Variants in GLIS3 observed in about 807,000 individuals in gnomAD.
GLIS3 encodes zinc finger protein GLIS3.
In GLIS3, 53 loss-of-function variants were observed where a neutral mutation model predicts 78.6. That is an observed-to-expected ratio of 0.67 (90% CI 0.54 to 0.85). The LOEUF is 0.85. Ranked by LOEUF, GLIS3 falls within the 40% of genes least tolerant of loss-of-function variation. The pLI, the probability that GLIS3 is intolerant of heterozygous loss-of-function variation, is 0.00. For missense variants in GLIS3, 1,703 were observed against 1,231.1 expected (o/e 1.38, Z -5.74); for synonymous variants, 684 against 509.9 (o/e 1.34, Z -4.60).
chr9:4,266,219 G>A lies in GLIS3; in HGVS notation c.388+19819C>T, dbSNP rs149043470. Among the ~76,000 whole-genome samples the A allele has an allele frequency of 2.0e-3, 301 of 151,804 alleles. 2 individuals carry two copies. The highest frequency in any genetic ancestry group is 6.8e-3 in the African/African-American group (281 of 41,442). ...AGGTGTGAGCCACCGCGCCTGGCCC[G>A]CACTCACCCTGCTTCTTAACTTTTT... is the stretch of plus-strand genomic sequence containing the variant. On this transcript the variant is annotated intron_variant, in intron 2 of 10. Transcript: ENST00000381971.
intron 2 of GLIS3, among the ~76,000 whole-genome samples, chr9:4,321,392 A>C (rs1245755250): frequency 9.3e-6 from 1 of 107,084 alleles, no homozygotes; most frequent in Non-Finnish European, 1.6e-5. Flanking sequence ...ACTGCACTCC[A>C]GCCTGGGCCA....
At chr9:4,325,295 G>A (rs561661158) in intron 2 of GLIS3, among the ~76,000 whole-genome samples, 1 of 152,310 alleles carries the variant, frequency 6.6e-6, no homozygotes, top group Admixed American at 6.5e-5. Context: ...TGAGTGACAA[G>A]TTCCCCTTGA....
chr9:4,439,835 C>T, the GLIS3 span, among the ~76,000 whole-genome samples: 4 of 152,286 alleles, frequency 2.6e-5, no homozygotes, highest in Non-Finnish European at 5.9e-5. Context: ...CACCCTACCA[C>T]ACCAGGCTAA....
intron 6 of GLIS3, among the ~76,000 whole-genome samples, chr9:3,915,702 C>A (rs971365963): frequency 3.9e-5 from 6 of 152,154 alleles, no homozygotes; most frequent in African/African-American, 7.2e-5. Flanking sequence ...CAGCAGCCCC[C>A]TGGAAAGATG....
intron 4 of GLIS3, among the ~76,000 whole-genome samples, chr9:4,056,007 A>G (rs1307076096): frequency 1.3e-5 from 2 of 152,296 alleles, no homozygotes; most frequent in South Asian, 2.1e-4. Flanking sequence ...ATGGTGAAGG[A>G]CTGATAGGAT....
At chr9:4,348,592 C>G (rs1429185849), upstream of GLIS3, among the ~76,000 whole-genome samples, 1 of 152,110 alleles carries the variant, frequency 6.6e-6, no homozygotes, top group East Asian at 1.9e-4. Flanking sequence ...ATAATATAGT[C>G]CCATTTAAAT....
chr9:4,170,155 T>C (rs780590444), intron 2 of GLIS3, among the ~76,000 whole-genome samples: 4 of 152,180 alleles, frequency 2.6e-5, no homozygotes, highest in Admixed American at 6.5e-5. Flanking sequence ...AAGAAATCAG[T>C]GTCCAGGATG....
intron 8 of GLIS3, among the ~76,000 whole-genome samples, chr9:3,877,028 A>T (rs1821362566): frequency 6.6e-6 from 1 of 152,060 alleles, no homozygotes; most frequent in Non-Finnish European, 1.5e-5. Flanking sequence ...CTGCGTACAA[A>T]AAGGAGACTC....
Position 4,226,557 on chromosome 9 carries a change from T to C in GLIS3, c.388+59481A>G, listed in dbSNP as rs148463920. On this transcript the variant is annotated intron_variant, in intron 2 of 10. Coordinates refer to ENST00000381971, the MANE Select transcript of GLIS3 (RefSeq NM_001042413.2). ...GGGGGAGGGAATGGTAAGGTGGAGCTAAGCAGAGGTAAAGATAAGAAAATG... is the reference window on the plus strand; with the variant it reads ...GGGGGAGGGAATGGTAAGGTGGAGCCAAGCAGAGGTAAAGATAAGAAAATG... 3.6e-3 allele frequency among the ~76,000 whole-genome samples: 553 copies of C among 152,236 alleles called. 2 individuals carry two copies. The highest frequency in any genetic ancestry group is 0.012 in the African/African-American group (508 of 41,542).
intron 1 of GLIS3, chr9:4,348,161 C>A (rs923376431): frequency 6.6e-6 from 1 of 152,282 alleles, no homozygotes; most frequent in African/African-American, 2.4e-5. Flanking sequence ...GCCTAAGTAT[C>A]TGTGTTAGAA....
the GLIS3 span, among the ~76,000 whole-genome samples, chr9:4,353,570 C>G: frequency 2.6e-5 from 4 of 152,218 alleles, no homozygotes; most frequent in African/African-American, 4.8e-5. Context: ...AAACTAAGGA[C>G]TGTACTCTGA....
chr9:4,437,909 T>C, the GLIS3 span, among the ~76,000 whole-genome samples: 37 of 152,188 alleles, frequency 2.4e-4, no homozygotes, highest in Non-Finnish European at 4.6e-4. Flanking sequence ...ATAATACATA[T>C]AGCATAGAAA....
the GLIS3 span, among the ~76,000 whole-genome samples, chr9:4,467,776 T>C: frequency 6.6e-6 from 1 of 152,162 alleles, no homozygotes. Context: ...CAAAGCTGGA[T>C]GGAGAACGAC....
Position 4,118,496 on chromosome 9 carries a change from C to A in GLIS3, c.982G>T (p.Val328Leu). The A allele has an allele frequency of 6.2e-7, 1 of 1,614,180 alleles. No homozygotes were observed. The change falls in exon 4 of 11, where the codon GTG becomes TTG. Residue 328 changes from valine (V) to leucine (L), a missense_variant. Physicochemically the swap from Val to Leu is conservative, Grantham distance 32 (BLOSUM62 1). Coordinates refer to ENST00000381971, the MANE Select transcript of GLIS3 (RefSeq NM_001042413.2). This position sits in a 1 kb window ranked among gnomAD's most constrained non-coding sequence, Gnocchi z 4.7. ...GCCCTCGACCCGTTGATGTAGGCCA[C>A]CAAGGACGTGGGCGACGTGCGGATG... ...TIIRTSPTSLVAYINGSRASP... is the reference protein window; with the variant it reads ...TIIRTSPTSLLAYINGSRASP...
At chr9:4,182,611 G>C (rs1030122274) in intron 2 of GLIS3, among the ~76,000 whole-genome samples, 8 of 152,172 alleles carry the variant, frequency 5.3e-5, no homozygotes, top group African/African-American at 1.9e-4. Flanking sequence ...CAGGGAAAGA[G>C]ATTCAATCGC....
intron 2 of GLIS3, among the ~76,000 whole-genome samples, chr9:4,238,822 G>A (rs911587223): frequency 6.6e-6 from 1 of 151,974 alleles, no homozygotes; most frequent in Non-Finnish European, 1.5e-5. Flanking sequence ...GCTTTCCCTG[G>A]GGTTAAGACT....
chr9:3,979,565 G>C (rs1022716324), intron 4 of GLIS3, among the ~76,000 whole-genome samples: 2 of 152,102 alleles, frequency 1.3e-5, no homozygotes, highest in Non-Finnish European at 2.9e-5. Flanking sequence ...TAATTGTTCT[G>C]AGTACTTCCT....
chr9:3,905,287 G>A (rs1254334915), intron 6 of GLIS3, among the ~76,000 whole-genome samples: 3 of 151,694 alleles, frequency 2.0e-5, no homozygotes, highest in African/African-American at 4.8e-5. Flanking sequence ...ACTGAGCCCC[G>A]CCTGACTCTT....
chr9:4,187,875 A>T (rs1817956846), intron 2 of GLIS3, among the ~76,000 whole-genome samples: 2 of 152,248 alleles, frequency 1.3e-5, no homozygotes, highest in African/African-American at 4.8e-5. Flanking sequence ...GAAGTTGCTT[A>T]TCAGCTTAAG....
Sources: gnomAD v4.1 joint callset for allele counts (sites outside exome capture counted in the v4.1 genomes callset) on GRCh38, gnomAD v4.1.1 for gene constraint, Gnocchi (gnomAD v3.1) non-coding constraint, MANE v1.5 for transcripts, NCBI Gene and HGNC (gene_info 2026-07-23, HGNC 2026-07-21) for gene names.